Variants in DACH2 observed in about 807,000 individuals in gnomAD.
The protein encoded by DACH2 is dachshund family transcription factor 2.
Under a neutral mutation model 35.8 loss-of-function variants are expected in DACH2, and 17 were observed. The observed-to-expected ratio is 0.48, with a 90% CI of 0.33 to 0.71. DACH2 has a LOEUF of 0.71. DACH2 is among the 30% of genes least tolerant of loss of function. The pLI, the probability that DACH2 is intolerant of heterozygous loss-of-function variation, is 0.02. For synonymous variants in DACH2, 195 were observed against 177.3 expected, an observed-to-expected ratio of 1.10 and a Z score of -0.79; for missense variants, 469 against 472.7, an observed-to-expected ratio of 0.99 and a Z score of 0.07.
chrX:86,365,270 T>A (rs1310786963), intron 1 of DACH2, among the ~76,000 whole-genome samples: 2 of 110,322 alleles, frequency 1.8e-5, no homozygotes, highest in African/African-American at 6.6e-5. Context: ...TATATTGACT[T>A]CCACCAAGGG....
intron 4 of DACH2, among the ~76,000 whole-genome samples, chrX:86,675,461 G>T (rs2040815271): frequency 1.8e-5 from 2 of 111,737 alleles, no homozygotes; most frequent in Non-Finnish European, 3.8e-5. Context: ...GAGGCAGGTG[G>T]ATCACTTGAA....
intron 1 of DACH2, among the ~76,000 whole-genome samples, chrX:86,291,657 G>T (rs1403116623): frequency 9.4e-6 from 1 of 106,640 alleles, no homozygotes; most frequent in Non-Finnish European, 1.9e-5. Flanking sequence ...TTTGTCAAAG[G>T]CCTTTTCTGC....
chrX:86,330,960 T>C (rs1229542534), intron 1 of DACH2, among the ~76,000 whole-genome samples: 1 of 111,941 alleles, frequency 8.9e-6, no homozygotes, highest in African/African-American at 3.2e-5. Context: ...TTGAACCAAG[T>C]ATACTATTTA....
At chrX:86,414,334 C>A (rs1206629328) in intron 2 of DACH2, among the ~76,000 whole-genome samples, 2 of 111,700 alleles carry the variant, frequency 1.8e-5, no homozygotes, top group African/African-American at 3.3e-5. Flanking sequence ...GAGCTCTACA[C>A]AAGTCACACT....
At chrX:86,743,120 C>T (rs767316009) in intron 7 of DACH2, among the ~76,000 whole-genome samples, 1 of 111,263 alleles carries the variant, frequency 9.0e-6, no homozygotes, top group East Asian at 2.8e-4. Context: ...GAGCTGCTTC[C>T]CTCAATCCTT....
intron 1 of DACH2, among the ~76,000 whole-genome samples, chrX:86,239,845 G>T (rs2033128632): frequency 8.9e-6 from 1 of 111,824 alleles, no homozygotes; most frequent in Non-Finnish European, 1.9e-5. Flanking sequence ...AACACTTGGT[G>T]TTATATATCT....
chrX:86,625,424 G>A (rs1602713413), intron 3 of DACH2, among the ~76,000 whole-genome samples: 1 of 110,962 alleles, frequency 9.0e-6, no homozygotes, highest in South Asian at 3.8e-4. Context: ...TTTCTACTGA[G>A]CCATTATGAA....
At chrX:86,417,865 G>A (rs987501421) in intron 2 of DACH2, among the ~76,000 whole-genome samples, 2 of 111,260 alleles carry the variant, frequency 1.8e-5, no homozygotes, top group African/African-American at 6.5e-5. Context: ...CTGAGACAAG[G>A]CAAGTACCTT....
chrX:86,523,953 C>G (rs983219535), intron 3 of DACH2, among the ~76,000 whole-genome samples: 1 of 111,482 alleles, frequency 9.0e-6, no homozygotes, highest in Non-Finnish European at 1.9e-5. Context: ...ATTAATTTTA[C>G]CTAGGCAGTT....
chrX:86,273,533 G>T (rs1018907085), intron 1 of DACH2, among the ~76,000 whole-genome samples: 1 of 112,041 alleles, frequency 8.9e-6, no homozygotes, highest in Non-Finnish European at 1.9e-5. Flanking sequence ...TGACTATTTG[G>T]TGTGAAAAAA....
At chrX:86,175,354 T>A (rs242859) in intron 1 of DACH2, among the ~76,000 whole-genome samples, 1 of 110,823 alleles carries the variant, frequency 9.0e-6, no homozygotes, top group Non-Finnish European at 1.9e-5. Context: ...TGGTAATCTC[T>A]ATGAGAAAAG....
At chrX:86,219,222 A>C (rs1027806870) in intron 1 of DACH2, among the ~76,000 whole-genome samples, 7 of 111,431 alleles carry the variant, frequency 6.3e-5, no homozygotes, top group Middle Eastern at 4.2e-3. Flanking sequence ...TTCACAGAAG[A>C]GGGTTTATGG....
At chrX:86,400,819 G>A (rs1044067281) in intron 2 of DACH2, among the ~76,000 whole-genome samples, 2 of 112,131 alleles carry the variant, frequency 1.8e-5, no homozygotes, top group Non-Finnish European at 3.8e-5. Flanking sequence ...TAGGCTACTC[G>A]GGGGTCAGGG....
intron 1 of DACH2, among the ~76,000 whole-genome samples, chrX:86,175,639 G>T (rs1382313027): frequency 8.9e-6 from 1 of 111,790 alleles, no homozygotes. Context: ...GAGTATTGCT[G>T]AAGTGATATT....
chrX:86,419,728 C>T (rs1422467019), intron 2 of DACH2, among the ~76,000 whole-genome samples: 4 of 111,552 alleles, frequency 3.6e-5, no homozygotes, highest in African/African-American at 9.8e-5. Context: ...AGGGGATTAT[C>T]TCAGAAAATT....
At chrX:86,726,648 C>G (rs752531705) in intron 6 of DACH2, among the ~76,000 whole-genome samples, 3 of 111,652 alleles carry the variant, frequency 2.7e-5, no homozygotes, top group Non-Finnish European at 5.7e-5. Context: ...AGATTGGATG[C>G]CTGTGGGATT....
chrX:86,430,353 CATT>C (rs982422839), intron 2 of DACH2, among the ~76,000 whole-genome samples: 9 of 111,911 alleles, frequency 8.0e-5, no homozygotes, highest in South Asian at 3.7e-4. Flanking sequence ...TTAAATAACT[CATT>C]AATAATTTTT....
At chrX:86,163,171 C>T (rs2030824901) in intron 1 of DACH2, among the ~76,000 whole-genome samples, 1 of 110,877 alleles carries the variant, frequency 9.0e-6, no homozygotes, top group African/African-American at 3.3e-5. Context: ...TACCCATTAA[C>T]CATCCCCACC....
chrX:86,768,642 A>C (rs2147292577), intron 7 of DACH2, among the ~76,000 whole-genome samples: 1 of 111,277 alleles, frequency 9.0e-6, no homozygotes, highest in Non-Finnish European at 1.9e-5. Flanking sequence ...AATTATATTT[A>C]TTTATTTATT....
Sources: allele counts gnomAD v4.1 joint callset (sites outside exome capture counted in the v4.1 genomes callset), GRCh38; gene constraint gnomAD v4.1.1; transcripts MANE v1.5; gene names NCBI Gene and HGNC (gene_info 2026-07-23, HGNC 2026-07-21).